Variants in CTNNB1 observed in about 807,000 individuals in gnomAD.
The protein encoded by CTNNB1 is catenin beta 1.
CTNNB1 carries 6 observed loss-of-function variants against 82.5 expected under a neutral mutation model. The ratio of observed to expected loss-of-function variants is 0.07; its 90% CI spans 0.04 to 0.14. The LOEUF (loss-of-function observed/expected upper bound fraction) is 0.14, where lower values mean the gene tolerates loss of function less well. Ranked by LOEUF, CTNNB1 falls within the 10% of genes least tolerant of loss-of-function variation. The pLI is 1.00. For missense variants in CTNNB1, 529 were observed against 980.4 expected (o/e 0.54, Z 6.15); for synonymous variants, 312 against 329.7 (o/e 0.95, Z 0.58).
chr3:41,206,840 C>T (rs1289695541), intron 1 of CTNNB1, among the ~76,000 whole-genome samples: 1 of 152,106 alleles, frequency 6.6e-6, no homozygotes, highest in Non-Finnish European at 1.5e-5. Flanking sequence ...GGGGTAGACC[C>T]TTAAATTCCT....
intron 13 of CTNNB1, 78 bp from the exon 14 acceptor site, chr3:41,237,938 C>A: frequency 8.2e-7 from 1 of 1,215,396 alleles, no homozygotes; most frequent in Non-Finnish European, 1.2e-6. Context: ...TGAAAGTATG[C>A]TTTAAAAAAA....
At position 41,224,944 on chromosome 3, in the gene CTNNB1, C is replaced by A. The variant is rs1300956292; in HGVS notation, c.242-10C>A. 1 of 1,614,064 alleles carries A rather than the reference C, an allele frequency of 6.2e-7. No individual in the cohort carries two copies. The highest frequency in any genetic ancestry group is 2.2e-5 in the East Asian group (1 of 44,890). ...CTGTGGATAGTGAGTGTTGAATTAA[C>A]CTTTTCCAGATATTGATGGACAGTA... On this transcript the variant is annotated splice_polypyrimidine_tract_variant and intron_variant, in intron 3 of 14. Coordinates refer to ENST00000349496, the MANE Select transcript of CTNNB1 (RefSeq NM_001904.4).
chr3:41,201,670 C>CATTT (rs1191403799), intron 1 of CTNNB1, among the ~76,000 whole-genome samples: 1 of 151,474 alleles, frequency 6.6e-6, no homozygotes, highest in African/African-American at 2.4e-5. Context: ...CCAGAACAGT[C>CATTT]ATTTAAAAGT....
intron 10 of CTNNB1, 58 bp from the exon 11 acceptor site, chr3:41,235,666 G>T (rs1409719723): frequency 9.3e-6 from 15 of 1,610,668 alleles, no homozygotes; most frequent in Non-Finnish European, 1.3e-5. Context: ...TCTAATAATT[G>T]TTCCTCAAAC....
At chr3:41,215,280 A>T (rs1187172691) in intron 1 of CTNNB1, among the ~76,000 whole-genome samples, 1 of 140,434 alleles carries the variant, frequency 7.1e-6, no homozygotes, top group African/African-American at 2.6e-5. Context: ...GCTACTCGGG[A>T]GGCTGAGGCA....
chr3:41,236,947 G>T, intron 13 of CTNNB1: 1 of 599,682 alleles, frequency 1.7e-6, no homozygotes, highest in Non-Finnish European at 2.9e-6. Context: ...AATTCATAAG[G>T]GAGAAAGATG....
At chr3:41,207,384 G>T (rs192144189) in intron 1 of CTNNB1, among the ~76,000 whole-genome samples, 100 of 152,252 alleles carry the variant, frequency 6.6e-4, no homozygotes, top group Non-Finnish European at 1.1e-3. Flanking sequence ...CCATTATGCT[G>T]CAGATTCTAT....
intron 7 of CTNNB1, among the ~76,000 whole-genome samples, chr3:41,230,187 A>T (rs1314930643): frequency 6.6e-6 from 1 of 152,188 alleles, no homozygotes; most frequent in Non-Finnish European, 1.5e-5. Context: ...AGTCTTGGGG[A>T]TAGACAAATG....
chr3:41,205,751 G>A (rs1042709676), intron 1 of CTNNB1, among the ~76,000 whole-genome samples: 1 of 152,098 alleles, frequency 6.6e-6, no homozygotes, highest in African/African-American at 2.4e-5. Flanking sequence ...ATCATAGGCC[G>A]GTGTTGGTTT....
At chr3:41,222,713 T>A (rs1425502972) in intron 1 of CTNNB1, among the ~76,000 whole-genome samples, 2 of 152,214 alleles carry the variant, frequency 1.3e-5, no homozygotes, top group African/African-American at 2.4e-5. Flanking sequence ...TAAAAAAATG[T>A]TCCTGGAAGC....
chr3:41,224,331 T>C, intron 2 of CTNNB1, 195 bp from the exon 3 acceptor site: 1 of 701,900 alleles, frequency 1.4e-6, no homozygotes. Flanking sequence ...AGTGAGTAAC[T>C]GTTAGGTGGT....
chr3:41,202,374 A>G (rs571780712), intron 1 of CTNNB1, among the ~76,000 whole-genome samples: 116 of 152,328 alleles, frequency 7.6e-4, no homozygotes, highest in African/African-American at 2.8e-3. Flanking sequence ...GAACTGGACA[A>G]ACTTCTAACA....
At chr3:41,213,617 C>G (rs2077846849) in intron 1 of CTNNB1, among the ~76,000 whole-genome samples, 1 of 151,996 alleles carries the variant, frequency 6.6e-6, no homozygotes, top group African/African-American at 2.4e-5. Flanking sequence ...ATTGCTATGA[C>G]CTGAAACTAA....
At chr3:41,235,943 C>T in intron 11 of CTNNB1, 100 bp downstream of exon 11, 1 of 1,379,638 alleles carries the variant, frequency 7.2e-7, no homozygotes, top group Non-Finnish European at 1.0e-6. Context: ...AATAGGGTTA[C>T]CAACATTTAA....
chr3:41,238,368 C>T (rs548017795), intron 14 of CTNNB1: 23 of 378,006 alleles, frequency 6.1e-5, no homozygotes, highest in Admixed American at 5.1e-4. Flanking sequence ...TCTTTTTGGC[C>T]AGAGGACTCA....
chr3:41,234,263 G>A lies in CTNNB1; in HGVS notation c.1649G>A (p.Arg550His), dbSNP rs779588249. Reference sequence around the variant, plus strand: ...CGTGCACATCAGGATACCCAGCGCCGTACGTCCATGGGTGGGACACAGCAG... The same window carrying A: ...CGTGCACATCAGGATACCCAGCGCCATACGTCCATGGGTGGGACACAGCAG... Reference protein sequence around the residue: ...LVRAHQDTQRRTSMGGTQQQF... With the variant: ...LVRAHQDTQRHTSMGGTQQQF... The change falls in exon 10 of 15, where the codon CGT becomes CAT. Residue 550 changes from arginine to histidine, a missense_variant. Physicochemically the swap from Arg to His is conservative, Grantham distance 29 (BLOSUM62 0). Around this residue, in one of 4 missense-constraint regions of CTNNB1, gnomAD observed 411 missense variants for 776.4 expected, o/e 0.53. Coordinates refer to ENST00000349496, the MANE Select transcript of CTNNB1 (RefSeq NM_001904.4). 1.9e-6 allele frequency: 3 copies of A among 1,614,148 alleles called. No homozygotes were observed. The highest frequency in any genetic ancestry group is 1.7e-6 in the Non-Finnish European group (2 of 1,180,032).
chr3:41,235,567 G>A, intron 10 of CTNNB1, 157 bp from the exon 11 acceptor site: 1 of 949,362 alleles, frequency 1.1e-6, no homozygotes, highest in Non-Finnish European at 1.6e-6. Context: ...CCTCTTTTCA[G>A]TGACATTCAA....
chr3:41,203,291 C>G (rs2077577007), intron 1 of CTNNB1, among the ~76,000 whole-genome samples: 1 of 151,720 alleles, frequency 6.6e-6, no homozygotes, highest in East Asian at 1.9e-4. Context: ...ACTAAGAAAC[C>G]TTTGATTTCT....
At chr3:41,231,329 A>G (rs879317063) in intron 7 of CTNNB1, among the ~76,000 whole-genome samples, 6 of 151,242 alleles carry the variant, frequency 4.0e-5, no homozygotes, top group Non-Finnish European at 7.4e-5. Context: ...TCTATCTCAA[A>G]AAAAAAAAAA....
Sources: gnomAD v4.1 joint callset for allele counts (sites outside exome capture counted in the v4.1 genomes callset) on GRCh38, gnomAD v4.1.1 for gene constraint, gnomAD v4.1.1 regional missense constraint, MANE v1.5 for transcripts, NCBI Gene and HGNC (gene_info 2026-07-23, HGNC 2026-07-21) for gene names.